RPH3A: variants seen among roughly 807,000 people sequenced by gnomAD.
RPH3A encodes rabphilin 3A, also known as rabphilin-3A.
A neutral mutation model predicts 102.2 loss-of-function variants in RPH3A; 48 were observed. The ratio of observed to expected loss-of-function variants is 0.47; its 90% CI spans 0.37 to 0.60. The LOEUF is 0.60. Among genes scored for constraint, RPH3A ranks in the 20% least tolerant of loss-of-function variants. The pLI is 0.00. For missense variants in RPH3A, 781 were observed against 910.1 expected, an observed-to-expected ratio of 0.86 and a Z score of 1.83; for synonymous variants, 310 against 324.3, an observed-to-expected ratio of 0.96 and a Z score of 0.47.
intron 14 of RPH3A, among the ~76,000 whole-genome samples, chr12:112,880,884 A>G (rs984495683): frequency 2.0e-5 from 3 of 152,188 alleles, no homozygotes; most frequent in African/African-American, 7.2e-5. Context: ...AAGATAATAT[A>G]TATTTACTAT....
chr12:112,686,709 G>A (rs1307559558), intron 1 of RPH3A, among the ~76,000 whole-genome samples: 1 of 152,246 alleles, frequency 6.6e-6, no homozygotes, highest in Admixed American at 6.5e-5. Flanking sequence ...AGATCATTCA[G>A]TAGCTTCTAC....
At chr12:112,730,688 C>T (rs1197589373) in intron 1 of RPH3A, among the ~76,000 whole-genome samples, 2 of 152,188 alleles carry the variant, frequency 1.3e-5, no homozygotes, top group African/African-American at 4.8e-5. Context: ...CAAGTGGTGA[C>T]ATGGGGTTTT....
At chr12:112,616,137 C>A in intron 1 of RPH3A, among the ~76,000 whole-genome samples, 1 of 152,060 alleles carries the variant, frequency 6.6e-6, no homozygotes, top group Non-Finnish European at 1.5e-5. Context: ...ATAAATGGAT[C>A]CATTCTTTTT....
At chr12:112,577,456 G>A (rs1445187617) in intron 1 of RPH3A, among the ~76,000 whole-genome samples, 1 of 152,162 alleles carries the variant, frequency 6.6e-6, no homozygotes, top group Non-Finnish European at 1.5e-5. Context: ...TGAGCAGTGA[G>A]GATGATCAGA....
intron 1 of RPH3A, among the ~76,000 whole-genome samples, chr12:112,774,267 A>G (rs1312950711): frequency 6.6e-6 from 1 of 152,196 alleles, no homozygotes; most frequent in African/African-American, 2.4e-5. Context: ...AATAAAAGCA[A>G]AGAGGTTGGA....
At chr12:112,830,442 A>G (rs1236488082) in intron 3 of RPH3A, among the ~76,000 whole-genome samples, 5 of 152,194 alleles carry the variant, frequency 3.3e-5, no homozygotes, top group Non-Finnish European at 7.4e-5. Context: ...GATTTGGCTT[A>G]TAACCAGATC....
rs1418702623 is a variant in RPH3A at position 112,626,952 on chromosome 12, C to T, written c.-140+51633C>T. ...GAAACCATCATTCTCAGTAAACTAT[C>T]GCAAGAACAAAAAACCAAACACCGC... On this transcript the variant is annotated intron_variant, in intron 1 of 21. Transcript: ENST00000543106. 9.4e-4 allele frequency among the ~76,000 whole-genome samples: 78 copies of T among 83,290 alleles called. 1 individual carries two copies. Among genetic ancestry groups the T allele is most frequent in the African/African-American group, 3.6e-3 (76 of 20,842 alleles). The allele number at this position is 83,290 out of a possible 152,430, so 54.6% of individuals were successfully genotyped here.
At chr12:112,872,845 C>A (rs2042730849) in intron 10 of RPH3A, among the ~76,000 whole-genome samples, 1 of 152,182 alleles carries the variant, frequency 6.6e-6, no homozygotes, top group South Asian at 2.1e-4. Flanking sequence ...AAATATTCGT[C>A]TTGTCTAGCT....
At chr12:112,652,479 A>G (rs1453233643) in intron 1 of RPH3A, among the ~76,000 whole-genome samples, 1 of 152,158 alleles carries the variant, frequency 6.6e-6, no homozygotes, top group Non-Finnish European at 1.5e-5. Context: ...CTCAAAAACA[A>G]CAAAACTCCA....
intron 1 of RPH3A, among the ~76,000 whole-genome samples, chr12:112,752,330 T>A (rs1185097821): frequency 1.3e-5 from 2 of 152,190 alleles, no homozygotes; most frequent in Admixed American, 1.3e-4. Context: ...GTAATATGTG[T>A]CTGTAACAAA....
At chr12:112,702,006 G>T (rs754433869) in intron 1 of RPH3A, among the ~76,000 whole-genome samples, 3 of 152,192 alleles carry the variant, frequency 2.0e-5, no homozygotes, top group Non-Finnish European at 2.9e-5. Context: ...AGGAGTTAGG[G>T]GATTCCACTT....
chr12:112,600,829 T>G (rs762232545), intron 1 of RPH3A, among the ~76,000 whole-genome samples: 1 of 152,180 alleles, frequency 6.6e-6, no homozygotes, highest in Non-Finnish European at 1.5e-5. Context: ...AATAAAGACA[T>G]ACCCAAGACT....
intron 2 of RPH3A, among the ~76,000 whole-genome samples, chr12:112,807,393 T>C (rs912583025): frequency 6.6e-6 from 1 of 152,152 alleles, no homozygotes; most frequent in African/African-American, 2.4e-5. Flanking sequence ...AGGGAGATTT[T>C]GTTGTGCAAT....
intron 2 of RPH3A, among the ~76,000 whole-genome samples, chr12:112,792,858 A>C (rs1418166605): frequency 6.6e-6 from 1 of 152,156 alleles, no homozygotes; most frequent in Non-Finnish European, 1.5e-5. Context: ...AAAGGGCCAC[A>C]CTATGCCTGG....
intron 1 of RPH3A, among the ~76,000 whole-genome samples, chr12:112,583,359 A>T (rs1447807787): frequency 1.3e-5 from 2 of 152,330 alleles, no homozygotes; most frequent in African/African-American, 4.8e-5. Context: ...AGAAAAGTTG[A>T]GTTCTTTTCT....
chr12:112,704,917 A>G (rs920473916), intron 1 of RPH3A, among the ~76,000 whole-genome samples: 3 of 152,228 alleles, frequency 2.0e-5, no homozygotes, highest in African/African-American at 7.2e-5. Context: ...TCGTGCTAAC[A>G]ATCTGGAGAT....
chr12:112,796,371 G>A (rs1373774385), intron 2 of RPH3A, among the ~76,000 whole-genome samples: 1 of 152,174 alleles, frequency 6.6e-6, no homozygotes, highest in Non-Finnish European at 1.5e-5. Flanking sequence ...GAGTCCTCAG[G>A]TGCTACAGGG....
chr12:112,868,705 G>A lies in RPH3A; in HGVS notation c.610+110G>A, dbSNP rs531930588. On this transcript the variant is annotated intron_variant, in intron 8 of 21. Coordinates refer to ENST00000389385, the MANE Select transcript of RPH3A (RefSeq NM_001143854.2). The stretch of plus-strand genomic sequence containing the variant: ...TGTGTTTCCACCCAGTTGTTGCATG[G>A]TCAGCTTCTGCACTTGGGTCTAGGA... 64 of 1,219,480 alleles carry A rather than the reference G, an allele frequency of 5.2e-5. No individual in the cohort carries two copies. The African/African-American group carries it at 8.6e-4, about 16-fold the overall frequency. The allele number at this position is 1,219,480 out of a possible 1,614,324, so 75.5% of individuals were successfully genotyped here.
chr12:112,880,706 C>T (rs2042894252), intron 14 of RPH3A, among the ~76,000 whole-genome samples: 1 of 152,100 alleles, frequency 6.6e-6, no homozygotes, highest in Admixed American at 6.5e-5. Context: ...ACTTTTGATT[C>T]CCTAAAAACT....
Sources: allele counts gnomAD v4.1 joint callset (sites outside exome capture counted in the v4.1 genomes callset), GRCh38; gene constraint gnomAD v4.1.1; transcripts MANE v1.5; gene names NCBI Gene and HGNC (gene_info 2026-07-23, HGNC 2026-07-21).